Variants in OSBP2 observed in about 807,000 individuals in gnomAD.
OSBP2 encodes oxysterol-binding protein 2.
OSBP2 carries 66 observed loss-of-function variants against 96.0 expected under a neutral mutation model. The observed-to-expected ratio is 0.69, with a 90% CI of 0.56 to 0.84. The LOEUF (loss-of-function observed/expected upper bound fraction) is 0.84. Among genes scored for constraint, OSBP2 ranks in the 40% least tolerant of loss-of-function variants. The probability of loss-of-function intolerance (pLI) is 0.00; values close to 1 mark genes in which losing one functional copy is unlikely to be tolerated. For synonymous variants in OSBP2, 525 were observed against 520.9 expected (o/e 1.01, Z -0.11); for missense variants, 1,038 against 1,222.7 (o/e 0.85, Z 2.25).
intron 1 of OSBP2, among the ~76,000 whole-genome samples, chr22:30,720,189 G>A (rs113219153): frequency 3.9e-5 from 6 of 152,224 alleles, no homozygotes; most frequent in East Asian, 3.9e-4. Context: ...ATCTGTTGCC[G>A]CATAACAAAT....
chr22:30,903,877 T>C (rs1440530974), intron 12 of OSBP2, among the ~76,000 whole-genome samples: 1 of 152,244 alleles, frequency 6.6e-6, no homozygotes, highest in African/African-American at 2.4e-5. Flanking sequence ...ACTTTACTCA[T>C]TTCCCTTGAT....
intron 2 of OSBP2, among the ~76,000 whole-genome samples, chr22:30,786,018 T>TTGTGTGTGTGTGTGTGTGTG (rs59686538): frequency 1.3e-5 from 2 of 149,106 alleles, no homozygotes; most frequent in Admixed American, 6.7e-5. Context: ...CTAATACAGT[T>TTGTGTGTGTGTGTGTGTGTG]TGTGTGTGTG....
At chr22:30,822,688 T>G in intron 2 of OSBP2, 2 of 1,533,800 alleles carry the variant, frequency 1.3e-6, no homozygotes, top group Non-Finnish European at 1.7e-6. Context: ...CAGCTCCGGC[T>G]GCCTGAATAA....
chr22:30,808,337 C>CA (rs917831034), intron 2 of OSBP2, among the ~76,000 whole-genome samples: 4 of 151,960 alleles, frequency 2.6e-5, no homozygotes, highest in African/African-American at 9.7e-5. Flanking sequence ...CCTGTCTCTA[C>CA]AAAAAATGAA....
At chr22:30,739,636 G>A (rs181501604) in intron 1 of OSBP2, among the ~76,000 whole-genome samples, 166 of 151,920 alleles carry the variant, frequency 1.1e-3, no homozygotes, top group South Asian at 9.6e-3. Context: ...TACCATGCCC[G>A]GCTAATTTTT....
At chr22:30,721,263 A>C (rs564668615) in intron 1 of OSBP2, among the ~76,000 whole-genome samples, 2 of 152,220 alleles carry the variant, frequency 1.3e-5, no homozygotes, top group South Asian at 4.1e-4. Flanking sequence ...CAAAAAAACA[A>C]CAAACAAACA....
chr22:30,763,587 A>G (rs536711646), intron 2 of OSBP2, among the ~76,000 whole-genome samples: 70 of 148,514 alleles, frequency 4.7e-4, no homozygotes, highest in African/African-American at 1.6e-3. Flanking sequence ...TGGAGGTTGC[A>G]GTGAGCCGAG....
intron 2 of OSBP2, among the ~76,000 whole-genome samples, chr22:30,792,245 G>A (rs2090685443): frequency 6.6e-6 from 1 of 152,026 alleles, no homozygotes; most frequent in Non-Finnish European, 1.5e-5. Context: ...CTCGGGAGGT[G>A]GAGCTTGCAG....
chr22:30,790,575 T>G (rs1031687441), intron 2 of OSBP2, among the ~76,000 whole-genome samples: 2 of 151,662 alleles, frequency 1.3e-5, no homozygotes, highest in African/African-American at 4.9e-5. Flanking sequence ...CTCATGTGTC[T>G]GTAGCTTCCA....
At chr22:30,736,678 C>G (rs2089860784) in intron 1 of OSBP2, among the ~76,000 whole-genome samples, 1 of 152,230 alleles carries the variant, frequency 6.6e-6, no homozygotes, top group African/African-American at 2.4e-5. Context: ...TCTTACCTCA[C>G]CAAAGTACAA....
At chr22:30,802,465 C>A (rs2090863219) in intron 2 of OSBP2, among the ~76,000 whole-genome samples, 1 of 152,246 alleles carries the variant, frequency 6.6e-6, no homozygotes, top group South Asian at 2.1e-4. Flanking sequence ...AGCCGTGGAC[C>A]ATCCGAGGGC....
At chr22:30,778,302 T>TACACAC (rs2090463692) in intron 2 of OSBP2, among the ~76,000 whole-genome samples, 1 of 97,170 alleles carries the variant, frequency 1.0e-5, no homozygotes, top group Non-Finnish European at 2.1e-5. Flanking sequence ...CGTGTGCATG[T>TACACAC]GCACACACAC....
chr22:30,822,680 G>A, intron 2 of OSBP2: 1 of 1,533,906 alleles, frequency 6.5e-7, no homozygotes, highest in Non-Finnish European at 8.7e-7. Flanking sequence ...TCCTTCTGCA[G>A]CTCCGGCTGC....
intron 2 of OSBP2, among the ~76,000 whole-genome samples, chr22:30,841,071 A>G (rs1039366878): frequency 6.6e-6 from 1 of 152,062 alleles, no homozygotes; most frequent in Non-Finnish European, 1.5e-5. Context: ...GGTCTGAGGA[A>G]TGAGAATCAC....
At chr22:30,874,068 C>T (rs1432335258) in intron 3 of OSBP2, among the ~76,000 whole-genome samples, 2 of 152,166 alleles carry the variant, frequency 1.3e-5, no homozygotes, top group African/African-American at 4.8e-5. Flanking sequence ...GAAACCCTGT[C>T]TCTACTAAAA....
At chr22:30,732,468 C>T (rs1436226304) in intron 1 of OSBP2, among the ~76,000 whole-genome samples, 1 of 152,060 alleles carries the variant, frequency 6.6e-6, no homozygotes, top group Admixed American at 6.6e-5. Context: ...GCAGTAGAGT[C>T]ACTCCCCTGG....
intron 3 of OSBP2, among the ~76,000 whole-genome samples, chr22:30,884,467 C>G (rs1569164958): frequency 3.3e-5 from 5 of 152,264 alleles, no homozygotes; most frequent in Admixed American, 3.3e-4. Context: ...CCACCACACT[C>G]TGCTGGCTTC....
chr22:30,695,247 G>T lies in OSBP2; in HGVS notation c.338G>T (p.Gly113Val), dbSNP rs1027371508. 4.3e-6 allele frequency: 7 copies of T among 1,613,458 alleles called. No homozygotes were observed. The highest frequency in any genetic ancestry group is 4.0e-5 in the African/African-American group (3 of 74,952). The part of the protein sequence containing the change: ...GSRPGSESSS[G>V]VGAGPFTKAA... ...CGGCCGGGGTCAGAGTCAAGCTCAG[G>T]TGTAGGGGCTGGGCCCTTCACTAAG... The change falls in exon 1 of 14, where the codon GGT becomes GTT. Residue 113 changes from glycine (G) to valine (V), a missense_variant. Physicochemically the swap from Gly to Val is moderately radical, Grantham distance 109. Around this residue, in one of 3 missense-constraint regions of OSBP2, gnomAD observed 281 missense variants for 273.4 expected, o/e 1.03. Transcript: ENST00000332585.
chr22:30,753,671 T>C (rs1293563872), intron 2 of OSBP2, among the ~76,000 whole-genome samples: 2 of 152,154 alleles, frequency 1.3e-5, no homozygotes, highest in Non-Finnish European at 2.9e-5. Flanking sequence ...CAGAGCGGGA[T>C]GATGTGCTTT....
Sources: allele counts gnomAD v4.1 joint callset (sites outside exome capture counted in the v4.1 genomes callset), GRCh38; gene constraint gnomAD v4.1.1; regional missense constraint gnomAD v4.1.1; transcripts MANE v1.5; gene names NCBI Gene and HGNC (gene_info 2026-07-23, HGNC 2026-07-21).